The following ANKHD1 variants were observed in gnomAD, a reference collection of about 807,000 sequenced individuals.
ANKHD1 encodes ankyrin repeat and KH domain-containing protein 1.
In ANKHD1, 31 loss-of-function variants were observed where a neutral mutation model predicts 230.5. That is an observed-to-expected ratio of 0.13 (90% CI 0.10 to 0.18). The LOEUF (loss-of-function observed/expected upper bound fraction) is 0.18. Ranked by LOEUF, ANKHD1 falls within the 10% of genes least tolerant of loss-of-function variation. The pLI, the probability that ANKHD1 is intolerant of heterozygous loss-of-function variation, is 1.00. For missense variants in ANKHD1, 2,256 were observed against 3,071.3 expected (o/e 0.73, Z 6.27); for synonymous variants, 1,074 against 1,117.6 (o/e 0.96, Z 0.78).
At chr5:140,487,111 A>G in intron 14 of ANKHD1, 51 bp downstream of exon 14, 1 of 1,553,604 alleles carries the variant, frequency 6.4e-7, no homozygotes, top group Non-Finnish European at 8.7e-7. Context: ...CACCTAATTG[A>G]TAAATCCAGA....
At chr5:140,523,250 G>A (rs755220577) in intron 24 of ANKHD1, among the ~76,000 whole-genome samples, 11 of 151,042 alleles carry the variant, frequency 7.3e-5, no homozygotes, top group Admixed American at 2.6e-4. Context: ...GGGACTACAG[G>A]CATAGGTCAC....
At chr5:140,456,158 G>A (rs1467565262) in intron 7 of ANKHD1, among the ~76,000 whole-genome samples, 2 of 152,156 alleles carry the variant, frequency 1.3e-5, no homozygotes, top group Non-Finnish European at 2.9e-5. Flanking sequence ...TACAAGGGAT[G>A]TAAAGGACCT....
rs1001155796 is a variant in ANKHD1 at position 140,429,635 on chromosome 5, A to G, written c.307-6469A>G. On this transcript the variant is annotated intron_variant, in intron 1 of 33. Transcript: ENST00000360839. ...GAGAATACATAAACAAATATATGTA[A>G]TGTACATGTTTTATGATAGAATATT... Among the ~76,000 whole-genome samples the G allele has an allele frequency of 4.6e-5, 7 of 152,138 alleles. No homozygotes were observed. In the East Asian group the frequency reaches 7.7e-4, roughly 17 times the overall value.
At chr5:140,502,568 A>G (rs1752353540) in intron 15 of ANKHD1, among the ~76,000 whole-genome samples, 1 of 152,196 alleles carries the variant, frequency 6.6e-6, no homozygotes, top group South Asian at 2.1e-4. Flanking sequence ...CTGATAGAAA[A>G]GTAGTTCTTT....
chr5:140,420,544 T>C (rs1211390367), intron 1 of ANKHD1, among the ~76,000 whole-genome samples: 1 of 152,242 alleles, frequency 6.6e-6, no homozygotes, highest in Non-Finnish European at 1.5e-5. Context: ...TTGATTCTTT[T>C]GAATGTGCAT....
intron 10 of ANKHD1, among the ~76,000 whole-genome samples, chr5:140,469,492 G>C (rs1208708584): frequency 6.6e-6 from 1 of 151,996 alleles, no homozygotes; most frequent in African/African-American, 2.4e-5. Context: ...GGGCAATAGA[G>C]GGAGACCCTA....
At position 140,525,267 on chromosome 5, in the gene ANKHD1, T is replaced by G. The variant is rs1046408787; in HGVS notation, c.4493-729T>G. 7.2e-5 allele frequency among the ~76,000 whole-genome samples: 11 copies of G among 152,254 alleles called. No homozygotes were observed. The South Asian group carries it at 1.0e-3, about 14-fold the overall frequency. On this transcript the variant is annotated intron_variant, in intron 25 of 33. Coordinates refer to ENST00000360839, the MANE Select transcript of ANKHD1 (RefSeq NM_017747.3). The stretch of plus-strand genomic sequence containing the variant: ...AGGCTAACAAGAGCAAAGATTTTTT[T>G]TGTGTGTTTTTTTGAGATGAGGTCT...
At chr5:140,453,217 A>G (rs1774889880) in intron 7 of ANKHD1, among the ~76,000 whole-genome samples, 1 of 152,212 alleles carries the variant, frequency 6.6e-6, no homozygotes, top group Admixed American at 6.5e-5. Context: ...ACTATGTGAA[A>G]AGACCAAATC....
chr5:140,499,214 T>G (rs1752169166), intron 15 of ANKHD1, among the ~76,000 whole-genome samples: 1 of 151,946 alleles, frequency 6.6e-6, no homozygotes. Flanking sequence ...GTACCTGTCT[T>G]AAATTTAAAT....
chr5:140,443,356 G>C (rs1205356089), intron 5 of ANKHD1, among the ~76,000 whole-genome samples: 1 of 151,936 alleles, frequency 6.6e-6, no homozygotes, highest in East Asian at 1.9e-4. Context: ...GCTTTGTTCT[G>C]GTTAACAGCA....
chr5:140,411,898 G>T (rs1770959682), intron 1 of ANKHD1, among the ~76,000 whole-genome samples: 1 of 150,994 alleles, frequency 6.6e-6, no homozygotes, highest in African/African-American at 2.4e-5. Flanking sequence ...GTGCAGGAGT[G>T]CAGTGGCTCA....
chr5:140,532,816 T>C (rs752134744), intron 29 of ANKHD1: 30 of 432,978 alleles, frequency 6.9e-5, no homozygotes, highest in Admixed American at 2.6e-5. Context: ...CTTTAAAAGC[T>C]ATCATGATTA....
intron 29 of ANKHD1, among the ~76,000 whole-genome samples, chr5:140,530,846 A>AAC (rs1475807366): frequency 2.6e-5 from 4 of 152,394 alleles, no homozygotes; most frequent in Admixed American, 1.3e-4. Flanking sequence ...TTTGTTGCTA[A>AAC]TTATAAACTG....
intron 8 of ANKHD1, 101 bp downstream of exon 8, chr5:140,458,963 T>TGC (rs1211555640): frequency 1.9e-4 from 4 of 21,378 alleles, no homozygotes; most frequent in Non-Finnish European, 3.6e-4. Flanking sequence ...TATATATATA[T>TGC]ATATATATAT....
chr5:140,524,616 GAT>G (rs1273666781), intron 25 of ANKHD1, among the ~76,000 whole-genome samples: 4 of 152,128 alleles, frequency 2.6e-5, no homozygotes, highest in African/African-American at 9.7e-5. Context: ...CAGGCTCAAG[GAT>G]ATAGAGGCCT....
chr5:140,523,096 T>G (rs976416221), intron 24 of ANKHD1, among the ~76,000 whole-genome samples: 4 of 151,028 alleles, frequency 2.6e-5, no homozygotes, highest in Non-Finnish European at 5.9e-5. Context: ...TTAATTAATT[T>G]TTTTCTTTTT....
At chr5:140,434,031 G>A (rs1773259734) in intron 1 of ANKHD1, among the ~76,000 whole-genome samples, 1 of 152,144 alleles carries the variant, frequency 6.6e-6, no homozygotes, top group Non-Finnish European at 1.5e-5. Flanking sequence ...ATAGCTCAAT[G>A]TTTTTAGGTC....
chr5:140,412,025 A>C (rs1770972986), intron 1 of ANKHD1, among the ~76,000 whole-genome samples: 1 of 151,620 alleles, frequency 6.6e-6, no homozygotes, highest in Non-Finnish European at 1.5e-5. Context: ...TACCCTGCTA[A>C]TTTTTAAATT....
intron 1 of ANKHD1, among the ~76,000 whole-genome samples, chr5:140,430,409 T>C (rs1245296200): frequency 6.6e-6 from 1 of 152,228 alleles, no homozygotes; most frequent in Non-Finnish European, 1.5e-5. Flanking sequence ...TATGTAACAG[T>C]ATCATCAGGC....
Sources: allele counts gnomAD v4.1 joint callset (sites outside exome capture counted in the v4.1 genomes callset), GRCh38; gene constraint gnomAD v4.1.1; transcripts MANE v1.5; gene names NCBI Gene and HGNC (gene_info 2026-07-23, HGNC 2026-07-21).